The following NOL10 variants were observed in gnomAD, a reference collection of about 807,000 sequenced individuals.
The protein encoded by NOL10 is nucleolar protein 10.
NOL10 carries 58 observed loss-of-function variants against 103.5 expected under a neutral mutation model. The ratio of observed to expected loss-of-function variants is 0.56; its 90% CI spans 0.45 to 0.70. The LOEUF is 0.70. Ranked by LOEUF, NOL10 falls within the 30% of genes least tolerant of loss-of-function variation. NOL10 has a pLI of 0.00. For missense variants in NOL10, 763 were observed against 807.3 expected, an observed-to-expected ratio of 0.95 and a Z score of 0.67; for synonymous variants, 287 against 282.5, an observed-to-expected ratio of 1.02 and a Z score of -0.16.
chr2:10,592,956 C>T (rs966893097), intron 17 of NOL10, among the ~76,000 whole-genome samples: 1 of 151,980 alleles, frequency 6.6e-6, no homozygotes, highest in Admixed American at 6.5e-5. Context: ...CCTATAAATA[C>T]CCGTCTACAC....
intron 13 of NOL10, among the ~76,000 whole-genome samples, chr2:10,630,805 C>T (rs1677792389): frequency 1.3e-5 from 2 of 152,206 alleles, no homozygotes; most frequent in Admixed American, 1.3e-4. Flanking sequence ...TCCCTTCTAG[C>T]TCTGATGGTC....
At chr2:10,611,977 G>A (rs983350078) in intron 13 of NOL10, among the ~76,000 whole-genome samples, 2 of 151,996 alleles carry the variant, frequency 1.3e-5, no homozygotes, top group Non-Finnish European at 1.5e-5. Context: ...AAATTAGCTG[G>A]GCATGATGGC....
At chr2:10,649,397 T>G (rs1034452217) in intron 12 of NOL10, among the ~76,000 whole-genome samples, 9 of 145,888 alleles carry the variant, frequency 6.2e-5, no homozygotes, top group Admixed American at 5.8e-4. Flanking sequence ...CTCGGCTCAC[T>G]GCAACCTCCG....
intron 14 of NOL10, among the ~76,000 whole-genome samples, chr2:10,606,215 T>A (rs6761678): frequency 6.7e-6 from 1 of 149,742 alleles, no homozygotes; most frequent in Non-Finnish European, 1.5e-5. Flanking sequence ...CTTCTGGCAA[T>A]GTACATTTAT....
At chr2:10,675,946 C>T in intron 3 of NOL10, 75 bp from the exon 4 acceptor site, 1 of 710,002 alleles carries the variant, frequency 1.4e-6, no homozygotes, top group Non-Finnish European at 2.3e-6. Flanking sequence ...ATTGAGTGTA[C>T]TTCTTGTTCA....
At chr2:10,638,483 C>A (rs1324835888) in intron 13 of NOL10, among the ~76,000 whole-genome samples, 1 of 77,784 alleles carries the variant, frequency 1.3e-5, no homozygotes, top group South Asian at 5.0e-4. Context: ...GCTGAATTCC[C>A]TTTTTTTTTT....
intron 3 of NOL10, among the ~76,000 whole-genome samples, chr2:10,680,932 G>A (rs1035938661): frequency 6.6e-6 from 1 of 152,146 alleles, no homozygotes; most frequent in Non-Finnish European, 1.5e-5. Flanking sequence ...AAATCTTAGA[G>A]ATATTTTTAA....
chr2:10,680,282 GGAGA>G (rs1681647241), intron 3 of NOL10, among the ~76,000 whole-genome samples: 1 of 136,442 alleles, frequency 7.3e-6, no homozygotes, highest in African/African-American at 2.8e-5. Flanking sequence ...TAAAAAAGAA[GGAGA>G]AGAAGGAGAA....
chr2:10,594,471 G>A (rs941451045), intron 17 of NOL10, among the ~76,000 whole-genome samples: 2 of 152,162 alleles, frequency 1.3e-5, no homozygotes, highest in African/African-American at 2.4e-5. Flanking sequence ...GGCTAGAATG[G>A]AATGGGGCAG....
At chr2:10,639,408 C>T (rs777256683) in intron 13 of NOL10, among the ~76,000 whole-genome samples, 6 of 152,076 alleles carry the variant, frequency 3.9e-5, no homozygotes, top group South Asian at 2.1e-4. Context: ...GGCGACAGAG[C>T]GAGACTCCAT....
chr2:10,574,401 A>G (rs1674342745), intron 20 of NOL10, among the ~76,000 whole-genome samples: 1 of 152,216 alleles, frequency 6.6e-6, no homozygotes, highest in Admixed American at 6.5e-5. Context: ...TAATCCCAGC[A>G]CTTTGGGAGG....
rs530322506 is a variant in NOL10 at position 10,657,901 on chromosome 2, A to C, written c.757-10T>G. 7 of 1,506,290 alleles carry C rather than the reference A, an allele frequency of 4.6e-6. No homozygotes were observed. The African/African-American group carries it at 8.4e-5, about 18-fold the overall frequency. The allele number at this position is 1,506,290 out of a possible 1,614,324, so 93.3% of individuals were successfully genotyped here. A position where few individuals can be genotyped will look rare whatever the true frequency, so the allele number is the denominator to read the frequency against. On this transcript the variant is annotated splice_polypyrimidine_tract_variant and intron_variant, in intron 10 of 20. Coordinates refer to ENST00000381685, the MANE Select transcript of NOL10 (RefSeq NM_024894.4). ...GGTCATATAATAAAACCTGAAAAAA[A>C]ATTATTTCTGTTTAAACAAACTAGA...
intron 5 of NOL10, among the ~76,000 whole-genome samples, chr2:10,672,964 G>T (rs866799356): frequency 6.6e-6 from 1 of 152,118 alleles, no homozygotes; most frequent in East Asian, 1.9e-4. Context: ...CTGCCCCTCC[G>T]GCCTGGGTGA....
chr2:10,655,213 A>AAAAAGAAAGAAAGGAAG (rs1679760129), intron 11 of NOL10, among the ~76,000 whole-genome samples: 1 of 152,018 alleles, frequency 6.6e-6, no homozygotes, highest in Non-Finnish European at 1.5e-5. Flanking sequence ...GCCCAAAAAA[A>AAAAAGAAAGAAAGGAAG]AAAAGAAAGA....
At chr2:10,668,203 AT>A (rs1443639296) in intron 7 of NOL10, among the ~76,000 whole-genome samples, 2 of 152,200 alleles carry the variant, frequency 1.3e-5, no homozygotes, top group African/African-American at 2.4e-5. Flanking sequence ...ATGATGATGG[AT>A]TCATTCCTAA....
Position 10,587,098 on chromosome 2 carries a change from CACATATATAT to C in NOL10, c.1844+1935_1844+1944del, listed in dbSNP as rs1410026893. Among the ~76,000 whole-genome samples the C allele has an allele frequency of 1.4e-3, 61 of 44,086 alleles. 11 individuals carry two copies. The South Asian group carries it at 0.022, about 16-fold the overall frequency. 28.9% of individuals were successfully genotyped at this position (44,086 alleles called of 152,430 possible). A position where few individuals can be genotyped will look rare whatever the true frequency, so the allele number is the denominator to read the frequency against. ...ATATACATATATATACATATATATA[CACATATATAT>C]ACATATATATACATATATATACATA... On this transcript the variant is annotated intron_variant, in intron 19 of 20. Coordinates refer to ENST00000381685, the MANE Select transcript of NOL10 (RefSeq NM_024894.4).
At position 10,676,132 on chromosome 2, in the gene NOL10, G is replaced by A. The variant is rs142466062; in HGVS notation, c.212-261C>T. Among the ~76,000 whole-genome samples the A allele has an allele frequency of 3.0e-4, 45 of 152,318 alleles. No homozygotes were observed. In the East Asian group the frequency reaches 8.1e-3, roughly 27 times the overall value. On this transcript the variant is annotated intron_variant, in intron 3 of 20. Transcript: ENST00000381685. ...CAAAATACATGCAAACAATGAAACAGTTTTGTCCACCAGAATGGCAAAGAT... is the reference window on the plus strand; with the variant it reads ...CAAAATACATGCAAACAATGAAACAATTTTGTCCACCAGAATGGCAAAGAT...
intron 12 of NOL10, among the ~76,000 whole-genome samples, chr2:10,645,928 AACACACACACACACATACAC>A (rs899669086): frequency 8.2e-6 from 1 of 121,570 alleles, no homozygotes; most frequent in African/African-American, 4.0e-5. Context: ...ATGCACACAA[AACACACACACACACATACAC>A]ACACACACAC....
intron 7 of NOL10, 58 bp downstream of exon 7, chr2:10,668,600 G>A: frequency 2.4e-6 from 2 of 835,956 alleles, no homozygotes; most frequent in South Asian, 3.7e-5. Context: ...AACAAACTGA[G>A]CATCTGGCTC....
Sources: allele counts gnomAD v4.1 joint callset (sites outside exome capture counted in the v4.1 genomes callset), GRCh38; gene constraint gnomAD v4.1.1; transcripts MANE v1.5; gene names NCBI Gene and HGNC (gene_info 2026-07-23, HGNC 2026-07-21).